Variants in CMSS1 observed in about 807,000 individuals in gnomAD.
CMSS1 encodes the protein protein CMSS1.
CMSS1 carries 33 observed loss-of-function variants against 43.5 expected under a neutral mutation model. That is an observed-to-expected ratio of 0.76 (90% CI 0.57 to 1.01). The LOEUF is 1.01. Among genes scored for constraint, CMSS1 ranks in the 50% least tolerant of loss-of-function variants. The probability of loss-of-function intolerance (pLI) is 0.00; values close to 1 mark genes in which losing one functional copy is unlikely to be tolerated. For missense variants in CMSS1, 313 were observed against 326.4 expected (o/e 0.96, Z 0.32); for synonymous variants, 115 against 117.2 (o/e 0.98, Z 0.12).
intron 1 of CMSS1, among the ~76,000 whole-genome samples, chr3:99,999,092 G>C (rs1177030158): frequency 6.6e-6 from 1 of 152,158 alleles, no homozygotes; most frequent in Non-Finnish European, 1.5e-5. Flanking sequence ...ATATATCTCA[G>C]TTACTGATTC....
chr3:99,985,951 G>A (rs1288468764), intron 1 of CMSS1, among the ~76,000 whole-genome samples: 1 of 152,162 alleles, frequency 6.6e-6, no homozygotes, highest in Non-Finnish European at 1.5e-5. Context: ...GTTAAAGTCA[G>A]TATGACCACA....
chr3:100,153,615 AC>A (rs1311040069), intron 2 of CMSS1, among the ~76,000 whole-genome samples: 1 of 152,152 alleles, frequency 6.6e-6, no homozygotes, highest in Non-Finnish European at 1.5e-5. Flanking sequence ...TTATAAAGAC[AC>A]CAGTCACATT....
At chr3:99,885,659 A>G (rs1257009244) in intron 1 of CMSS1, among the ~76,000 whole-genome samples, 2 of 152,190 alleles carry the variant, frequency 1.3e-5, no homozygotes, top group Admixed American at 1.3e-4. Flanking sequence ...GTTAAAAACA[A>G]TATTTGTCTA....
chr3:99,840,486 T>A (rs1317170539), intron 1 of CMSS1, among the ~76,000 whole-genome samples: 1 of 152,098 alleles, frequency 6.6e-6, no homozygotes, highest in Admixed American at 6.5e-5. Flanking sequence ...CCTCCCAAAG[T>A]GCTGGGATTA....
intron 1 of CMSS1, among the ~76,000 whole-genome samples, chr3:99,990,857 C>A (rs1709489936): frequency 1.3e-5 from 2 of 152,148 alleles, no homozygotes; most frequent in South Asian, 4.1e-4. Context: ...CATATTTTCT[C>A]CAACAGATAA....
intron 1 of CMSS1, among the ~76,000 whole-genome samples, chr3:100,135,437 CATGTGTGTGTGTGTGT>C (rs1440309159): frequency 4.2e-4 from 25 of 60,136 alleles, no homozygotes; most frequent in Non-Finnish European, 1.1e-4. Context: ...TGTGTGTGTG[CATGTGTGTGTGTGTGT>C]GTGTGTGTGT....
chr3:100,116,834 C>T (rs1559762963), intron 1 of CMSS1, among the ~76,000 whole-genome samples: 1 of 152,140 alleles, frequency 6.6e-6, no homozygotes. Flanking sequence ...TGGGTAAGGG[C>T]CCCTTTGGCC....
At chr3:100,054,727 G>C (rs954548841) in intron 1 of CMSS1, among the ~76,000 whole-genome samples, 1 of 152,114 alleles carries the variant, frequency 6.6e-6, no homozygotes, top group Non-Finnish European at 1.5e-5. Flanking sequence ...TCTTTTAGCA[G>C]TTCCCACCAA....
chr3:99,849,450 A>G (rs765060736), intron 1 of CMSS1: 2 of 1,613,872 alleles, frequency 1.2e-6, no homozygotes, highest in African/African-American at 2.7e-5. Flanking sequence ...GGACTGAGTG[A>G]TCTCCCTGGA....
intron 1 of CMSS1, among the ~76,000 whole-genome samples, chr3:100,073,407 G>T (rs1444979795): frequency 6.6e-6 from 1 of 152,172 alleles, no homozygotes; most frequent in Admixed American, 6.5e-5. Context: ...GTCCTGTCAT[G>T]AAAGTATACA....
At chr3:99,846,585 A>C (rs1003417448) in intron 1 of CMSS1, among the ~76,000 whole-genome samples, 1 of 152,246 alleles carries the variant, frequency 6.6e-6, no homozygotes, top group Non-Finnish European at 1.5e-5. Context: ...GTGTTTAAAC[A>C]GAAGCTTTCT....
chr3:100,133,735 G>A (rs149161613), intron 1 of CMSS1, among the ~76,000 whole-genome samples: 8 of 152,242 alleles, frequency 5.3e-5, no homozygotes, highest in Non-Finnish European at 1.0e-4. Flanking sequence ...AATACTTTTC[G>A]TATAGTTGGT....
intron 1 of CMSS1, among the ~76,000 whole-genome samples, chr3:99,998,926 C>T (rs1038259533): frequency 6.6e-6 from 1 of 152,196 alleles, no homozygotes; most frequent in East Asian, 1.9e-4. Context: ...CAGTAGTTCT[C>T]CACTATCTTT....
At chr3:99,931,588 C>T (rs991478086) in intron 1 of CMSS1, among the ~76,000 whole-genome samples, 2 of 152,030 alleles carry the variant, frequency 1.3e-5, no homozygotes, top group African/African-American at 4.8e-5. Flanking sequence ...TTTTGAAGGC[C>T]AAGTCTAGTA....
intron 2 of CMSS1, among the ~76,000 whole-genome samples, chr3:100,154,880 G>A (rs2066957313): frequency 6.6e-6 from 1 of 152,156 alleles, no homozygotes; most frequent in Non-Finnish European, 1.5e-5. Flanking sequence ...GCTGAGGCAG[G>A]AGAATCATTT....
intron 1 of CMSS1, among the ~76,000 whole-genome samples, chr3:100,002,718 C>T (rs1214417155): frequency 6.6e-6 from 1 of 152,144 alleles, no homozygotes; most frequent in Non-Finnish European, 1.5e-5. Context: ...GGAAACGGGG[C>T]CTGTGGACCT....
chr3:100,044,374 G>A, intron 1 of CMSS1, among the ~76,000 whole-genome samples: 1 of 151,938 alleles, frequency 6.6e-6, no homozygotes, highest in East Asian at 1.9e-4. Context: ...TAACACAGGG[G>A]TAATCTGTCA....
chr3:99,920,257 ACT>A (rs956824001), intron 1 of CMSS1, among the ~76,000 whole-genome samples: 2 of 152,036 alleles, frequency 1.3e-5, no homozygotes, highest in African/African-American at 2.4e-5. Context: ...AAAAAAAGCA[ACT>A]CTTTTTTTTC....
chr3:100,069,836 A>C lies in CMSS1; in HGVS notation c.65-77137A>C, dbSNP rs557903691. On this transcript the variant is annotated intron_variant, in intron 1 of 9. Coordinates refer to ENST00000421999, the MANE Select transcript of CMSS1 (RefSeq NM_032359.4). ...CATAAGCAGAAATATTTGCCCTACG[A>C]GAGGGAGCTGATATCTACCCTGGAT... Among the ~76,000 whole-genome samples, 3 of 152,308 alleles carry C rather than the reference A, an allele frequency of 2.0e-5. No homozygotes were observed. The East Asian group carries it at 5.8e-4, about 29-fold the overall frequency.
Sources: gnomAD v4.1 joint callset for allele counts (sites outside exome capture counted in the v4.1 genomes callset) on GRCh38, gnomAD v4.1.1 for gene constraint, MANE v1.5 for transcripts, NCBI Gene and HGNC (gene_info 2026-07-23, HGNC 2026-07-21) for gene names.